The following UGP2 variants were observed in gnomAD, a reference collection of about 807,000 sequenced individuals.
The protein encoded by UGP2 is UTP--glucose-1-phosphate uridylyltransferase.
A neutral mutation model predicts 49.0 loss-of-function variants in UGP2; 40 were observed. The observed-to-expected ratio is 0.82, with a 90% CI of 0.63 to 1.06. UGP2 has a LOEUF of 1.06. UGP2 is among the 50% of genes least tolerant of loss of function. The pLI is 0.00. For synonymous variants in UGP2, 225 were observed against 213.0 expected (o/e 1.06, Z -0.49); for missense variants, 460 against 603.5 (o/e 0.76, Z 2.49).
intron 3 of UGP2, among the ~76,000 whole-genome samples, chr2:63,861,332 T>G (rs1190067180): frequency 1.3e-5 from 2 of 151,890 alleles, no homozygotes; most frequent in African/African-American, 4.8e-5. Flanking sequence ...TAGATCAGAG[T>G]TACGAGGAAG....
intron 1 of UGP2, among the ~76,000 whole-genome samples, chr2:63,844,738 T>A (rs1558929559): frequency 6.6e-6 from 1 of 152,132 alleles, no homozygotes; most frequent in Admixed American, 6.5e-5. Context: ...CTTTTCTCCT[T>A]TTTTAAAGAG....
At chr2:63,863,454 G>T (rs1464158202) in intron 3 of UGP2, among the ~76,000 whole-genome samples, 2 of 151,920 alleles carry the variant, frequency 1.3e-5, no homozygotes, top group African/African-American at 4.8e-5. Context: ...CATCTCTTTA[G>T]CATTTTGGAA....
At chr2:63,856,585 A>G (rs977410193) in intron 2 of UGP2, 152 bp downstream of exon 2, 1 of 878,384 alleles carries the variant, frequency 1.1e-6, no homozygotes, top group Non-Finnish European at 1.7e-6. Flanking sequence ...TTGCTTAACA[A>G]TTACCGGCTT....
Position 63,841,925 on chromosome 2 carries a change from C to T in UGP2, c.-261C>T, listed in dbSNP as rs1026957025. The stretch of plus-strand genomic sequence containing the variant: ...GTCTCCAGCTGGCCCTCATTTGTGT[C>T]CGGAGCTCAGGAGTTCCCAAACCGA... On this transcript the variant is annotated 5_prime_UTR_variant, in exon 1 of 10. Coordinates refer to ENST00000337130, the MANE Select transcript of UGP2 (RefSeq NM_006759.4). 2.1e-5 allele frequency: 9 copies of T among 422,806 alleles called. No homozygotes were observed. The highest frequency in any genetic ancestry group is 1.4e-4 in the African/African-American group (7 of 49,064). 26.2% of individuals were successfully genotyped at this position (422,806 alleles called of 1,614,324 possible).
intron 3 of UGP2, among the ~76,000 whole-genome samples, chr2:63,867,342 C>T (rs1670251888): frequency 6.6e-6 from 1 of 152,144 alleles, no homozygotes; most frequent in Non-Finnish European, 1.5e-5. Flanking sequence ...AACCATGTAA[C>T]ATTGGGCAAG....
chr2:63,883,540 C>G (rs952988957), intron 4 of UGP2: 1 of 154,818 alleles, frequency 6.5e-6, no homozygotes, highest in African/African-American at 2.4e-5. Context: ...TTTATACTTT[C>G]ATCCCTACAG....
chr2:63,866,360 C>A (rs1192329767), intron 3 of UGP2, among the ~76,000 whole-genome samples: 2 of 152,140 alleles, frequency 1.3e-5, no homozygotes, highest in African/African-American at 4.8e-5. Context: ...TGATTCTATG[C>A]TTGCACTTAT....
At chr2:63,854,107 G>A (rs542849838) in intron 1 of UGP2, among the ~76,000 whole-genome samples, 48 of 152,278 alleles carry the variant, frequency 3.2e-4, no homozygotes, top group African/African-American at 1.0e-3. Flanking sequence ...GGTGGAATGG[G>A]ACTAAAAAAA....
At position 63,849,263 on chromosome 2, in the gene UGP2, C is replaced by G. The variant is rs530966979; in HGVS notation, c.20-7043C>G. Among the ~76,000 whole-genome samples the G allele has an allele frequency of 6.6e-4, 100 of 152,292 alleles. 1 individual carries two copies. The South Asian group carries it at 8.9e-3, about 14-fold the overall frequency. On this transcript the variant is annotated intron_variant, in intron 1 of 9. Transcript: ENST00000337130. ...TGTAAAAATACTATTTTAGGGGATCCTTTCTTTGACAGTAGCTCTTCTTGC... is the reference window on the plus strand; with the variant it reads ...TGTAAAAATACTATTTTAGGGGATCGTTTCTTTGACAGTAGCTCTTCTTGC...
chr2:63,863,417 T>C (rs1344805285), intron 3 of UGP2, among the ~76,000 whole-genome samples: 1 of 152,178 alleles, frequency 6.6e-6, no homozygotes, highest in Non-Finnish European at 1.5e-5. Flanking sequence ...AGGTTTAAAG[T>C]GCACAGTTGG....
At chr2:63,868,976 AAAG>A (rs1157459792) in intron 3 of UGP2, among the ~76,000 whole-genome samples, 1 of 152,118 alleles carries the variant, frequency 6.6e-6, no homozygotes, top group African/African-American at 2.4e-5. Context: ...AAAAAAAAAA[AAAG>A]AAAGTATATC....
At chr2:63,849,259 G>C (rs1668885786) in intron 1 of UGP2, among the ~76,000 whole-genome samples, 1 of 152,132 alleles carries the variant, frequency 6.6e-6, no homozygotes, top group African/African-American at 2.4e-5. Context: ...TATTTTAGGG[G>C]ATCCTTTCTT....
At chr2:63,880,988 G>T (rs1671266982) in intron 3 of UGP2, among the ~76,000 whole-genome samples, 1 of 152,164 alleles carries the variant, frequency 6.6e-6, no homozygotes. Context: ...GCACTTACCA[G>T]GAAGATTGAC....
Position 63,857,906 on chromosome 2 carries a change from G to T in UGP2, c.225G>T (p.Trp75Cys), listed in dbSNP as rs144104512. ...FLQEKGPSVD[W>C]GKIQRPPEDS... ...AAGAAAAGGGGCCTTCTGTGGATTG[G>T]GGAAAAATCCAGAGACCCCCTGAAG... Residue 75 changes from tryptophan to cysteine, a missense_variant, in exon 3 of 10, where the codon TGG becomes TGT. Coordinates refer to ENST00000337130, the MANE Select transcript of UGP2 (RefSeq NM_006759.4). 1 of 1,613,980 alleles carries T rather than the reference G, an allele frequency of 6.2e-7. No individual in the cohort carries two copies. The highest frequency in any genetic ancestry group is 1.1e-5 in the South Asian group (1 of 91,062).
chr2:63,881,928 A>G (rs915389805), intron 3 of UGP2, among the ~76,000 whole-genome samples: 1 of 152,248 alleles, frequency 6.6e-6, no homozygotes, highest in Non-Finnish European at 1.5e-5. Context: ...CAAAAAGTCT[A>G]TGCTACGTTC....
intron 1 of UGP2, among the ~76,000 whole-genome samples, chr2:63,848,046 C>T (rs1668785455): frequency 6.6e-6 from 1 of 152,140 alleles, no homozygotes; most frequent in African/African-American, 2.4e-5. Context: ...TGCCATTCAT[C>T]CTGATATCCA....
chr2:63,843,731 C>A (rs954151805), intron 1 of UGP2, among the ~76,000 whole-genome samples: 6 of 152,138 alleles, frequency 3.9e-5, no homozygotes, highest in Admixed American at 2.6e-4. Flanking sequence ...TGGAATACTT[C>A]AGGATTTATA....
intron 1 of UGP2, among the ~76,000 whole-genome samples, chr2:63,844,165 T>A (rs1300847295): frequency 1.3e-5 from 2 of 152,256 alleles, no homozygotes; most frequent in Non-Finnish European, 2.9e-5. Flanking sequence ...TGCTCCTGTT[T>A]ATCATTGTTT....
chr2:63,864,661 A>G (rs141154705), intron 3 of UGP2, among the ~76,000 whole-genome samples: 218 of 152,298 alleles, frequency 1.4e-3, no homozygotes, highest in Non-Finnish European at 2.7e-3. Flanking sequence ...AATCACTATG[A>G]TGTATTGTAG....
Sources: allele counts gnomAD v4.1 joint callset (sites outside exome capture counted in the v4.1 genomes callset), GRCh38; gene constraint gnomAD v4.1.1; transcripts MANE v1.5; gene names NCBI Gene and HGNC (gene_info 2026-07-23, HGNC 2026-07-21).